CNTLN: variants seen among roughly 807,000 people sequenced by gnomAD.
CNTLN encodes centlein, centrosomal protein.
CNTLN carries 212 observed loss-of-function variants against 180.0 expected under a neutral mutation model. The observed-to-expected ratio is 1.18, with a 90% CI of 1.05 to 1.32. CNTLN has a LOEUF of 1.32. Among genes scored for constraint, CNTLN ranks in the 40% most tolerant of loss-of-function variants. The probability of loss-of-function intolerance (pLI) is 0.00; values close to 1 mark genes in which losing one functional copy is unlikely to be tolerated. For synonymous variants in CNTLN, 722 were observed against 563.1 expected (o/e 1.28, Z -3.99); for missense variants, 2,095 against 1,610.9 (o/e 1.30, Z -5.14).
intron 5 of CNTLN, among the ~76,000 whole-genome samples, chr9:17,268,988 G>T (rs142072634): frequency 6.6e-6 from 1 of 152,124 alleles, no homozygotes; most frequent in South Asian, 2.1e-4. Context: ...TGTGCTTCCC[G>T]AGTTAGGCCA....
At chr9:17,187,219 A>G (rs1483774994) in intron 2 of CNTLN, among the ~76,000 whole-genome samples, 1 of 152,110 alleles carries the variant, frequency 6.6e-6, no homozygotes. Context: ...CTAATCTGCA[A>G]AGACAAATAT....
At chr9:17,156,400 A>C (rs1473558505) in intron 2 of CNTLN, among the ~76,000 whole-genome samples, 1 of 152,204 alleles carries the variant, frequency 6.6e-6, no homozygotes, top group Non-Finnish European at 1.5e-5. Flanking sequence ...CGGATTGTCT[A>C]ATACCTTTTT....
intron 12 of CNTLN, among the ~76,000 whole-genome samples, chr9:17,363,230 G>C (rs1442558674): frequency 2.0e-5 from 3 of 152,140 alleles, no homozygotes; most frequent in African/African-American, 7.2e-5. Context: ...AATCCTCTGG[G>C]TATACCCAGT....
chr9:17,302,441 C>T (rs997529132), intron 7 of CNTLN, among the ~76,000 whole-genome samples: 1 of 152,150 alleles, frequency 6.6e-6, no homozygotes, highest in Non-Finnish European at 1.5e-5. Context: ...TCAGGTGATC[C>T]ATCCGCTTCA....
At chr9:17,219,989 C>T (rs1167289529) in intron 2 of CNTLN, among the ~76,000 whole-genome samples, 1 of 151,980 alleles carries the variant, frequency 6.6e-6, no homozygotes, top group Non-Finnish European at 1.5e-5. Flanking sequence ...CCTCCAAATA[C>T]TATGACATTG....
At chr9:17,494,416 T>C (rs547239563) in intron 25 of CNTLN, among the ~76,000 whole-genome samples, 2 of 152,274 alleles carry the variant, frequency 1.3e-5, no homozygotes, top group Non-Finnish European at 2.9e-5. Flanking sequence ...CAGGTTGTTA[T>C]ATAGGTAAAC....
chr9:17,492,160 G>C (rs1002796543), intron 25 of CNTLN, among the ~76,000 whole-genome samples: 30 of 151,830 alleles, frequency 2.0e-4, no homozygotes, highest in Admixed American at 1.2e-3. Flanking sequence ...AACAAAGTAA[G>C]CCTACTTTCG....
At chr9:17,507,866 A>T (rs10810796), downstream of CNTLN, among the ~76,000 whole-genome samples, 46,209 of 152,054 alleles carry the variant, frequency 0.3, 8,424 homozygotes, top group East Asian at 0.5. Context: ...CAGAGTTTTG[A>T]CATCAGCTCC....
intron 5 of CNTLN, among the ~76,000 whole-genome samples, chr9:17,243,031 G>A (rs1825591794): frequency 6.6e-6 from 1 of 151,990 alleles, no homozygotes. Flanking sequence ...GATCTGTTCA[G>A]GTTTTGGATT....
At position 17,393,299 on chromosome 9, in the gene CNTLN, A is replaced by G. The variant is rs945250498; in HGVS notation, c.2080-1235A>G. Among the ~76,000 whole-genome samples the G allele has an allele frequency of 2.0e-5, 3 of 152,214 alleles. 1 individual carries two copies. The highest frequency in any genetic ancestry group is 7.2e-5 in the African/African-American group (3 of 41,450). ...TCAACATATGAATTTTGTGAGGGAC[A>G]CAAGTATTCAGACCATCGGAGTTGT... On this transcript the variant is annotated intron_variant, in intron 14 of 25. Coordinates refer to ENST00000380647, the MANE Select transcript of CNTLN (RefSeq NM_017738.4).
the CNTLN span, among the ~76,000 whole-genome samples, chr9:17,513,729 A>G: frequency 2.0e-5 from 3 of 152,218 alleles, no homozygotes; most frequent in African/African-American, 7.2e-5. Context: ...TAAGAAATAA[A>G]TAAAATCAAA....
chr9:17,406,881 C>T (rs1478454289), intron 15 of CNTLN, among the ~76,000 whole-genome samples: 1 of 151,700 alleles, frequency 6.6e-6, no homozygotes, highest in Non-Finnish European at 1.5e-5. Context: ...CCACCAAGGG[C>T]TCTCCAATCA....
intron 5 of CNTLN, among the ~76,000 whole-genome samples, chr9:17,263,729 A>G (rs1380504666): frequency 4.8e-5 from 7 of 144,444 alleles, no homozygotes; most frequent in African/African-American, 8.0e-5. Context: ...TTTAATGATC[A>G]CCATTCTAAC....
rs151298722 is a variant in CNTLN at position 17,292,481 on chromosome 9, C to G, written c.984-5709C>G. The stretch of plus-strand genomic sequence containing the variant: ...GGTCTTTTTACATAATCCCAAAGTT[C>G]ATGGAGGTTTTGTTTCTTTTCATTC... On this transcript the variant is annotated intron_variant, in intron 6 of 25. Coordinates refer to ENST00000380647, the MANE Select transcript of CNTLN (RefSeq NM_017738.4). 4.9e-3 allele frequency among the ~76,000 whole-genome samples: 749 copies of G among 152,192 alleles called. 4 individuals are homozygous for G. The highest frequency in any genetic ancestry group is 0.017 in the African/African-American group (696 of 41,520).
Position 17,227,309 on chromosome 9 carries a change from C to T in CNTLN, c.534+1022C>T, listed in dbSNP as rs1003014213. Reference sequence around the variant, plus strand: ...GTATAATCAGTAAATTATACAATTACATATAATTATATGTATATGTAATAT... The same window carrying T: ...GTATAATCAGTAAATTATACAATTATATATAATTATATGTATATGTAATAT... On this transcript the variant is annotated intron_variant, in intron 3 of 25. Coordinates refer to ENST00000380647, the MANE Select transcript of CNTLN (RefSeq NM_017738.4). Among the ~76,000 whole-genome samples the T allele has an allele frequency of 2.6e-5, 4 of 151,878 alleles. No individual in the cohort carries two copies. In the South Asian group the frequency reaches 8.3e-4, roughly 32 times the overall value.
chr9:17,366,926 G>A lies in CNTLN; in HGVS notation c.1987+209G>A, dbSNP rs543890892. ...GCTTTGTAATTTATTAAAAAATCTA[G>A]GGGAGAACGTACAGCAAGATGGCCA... is the stretch of plus-strand genomic sequence containing the variant. On this transcript the variant is annotated intron_variant, in intron 13 of 25. Coordinates refer to ENST00000380647, the MANE Select transcript of CNTLN (RefSeq NM_017738.4). 4.3e-4 allele frequency among the ~76,000 whole-genome samples: 65 copies of A among 152,032 alleles called. 2 individuals carry two copies. The highest frequency in any genetic ancestry group is 2.1e-3 in the South Asian group (10 of 4,830).
At chr9:17,346,618 A>G (rs1821922637) in intron 12 of CNTLN, among the ~76,000 whole-genome samples, 1 of 152,124 alleles carries the variant, frequency 6.6e-6, no homozygotes, top group Non-Finnish European at 1.5e-5. Flanking sequence ...ACAATAGGTA[A>G]TGCATCATTC....
chr9:17,302,454 C>T (rs1171000878), intron 7 of CNTLN, among the ~76,000 whole-genome samples: 1 of 152,158 alleles, frequency 6.6e-6, no homozygotes, highest in African/African-American at 2.4e-5. Flanking sequence ...CCGCTTCAGC[C>T]TCCCAAAGTG....
chr9:17,216,908 C>T (rs901229807), intron 2 of CNTLN, among the ~76,000 whole-genome samples: 9 of 152,208 alleles, frequency 5.9e-5, no homozygotes, highest in African/African-American at 1.9e-4. Flanking sequence ...AGCAATGCTG[C>T]CAGGCAGTTC....
Sources: allele counts gnomAD v4.1 joint callset (sites outside exome capture counted in the v4.1 genomes callset), GRCh38; gene constraint gnomAD v4.1.1; transcripts MANE v1.5; gene names NCBI Gene and HGNC (gene_info 2026-07-23, HGNC 2026-07-21).